FAM131C: variants seen among roughly 807,000 people sequenced by gnomAD.
FAM131C encodes protein FAM131C.
A neutral mutation model predicts 29.8 loss-of-function variants in FAM131C; 14 were observed. The ratio of observed to expected loss-of-function variants is 0.47; its 90% CI spans 0.31 to 0.73. The LOEUF (loss-of-function observed/expected upper bound fraction) is 0.73, where lower values mean the gene tolerates loss of function less well. Among genes scored for constraint, FAM131C ranks in the 30% least tolerant of loss-of-function variants. FAM131C has a pLI of 0.05. For missense variants in FAM131C, 252 were observed against 383.8 expected (o/e 0.66, Z 2.87); for synonymous variants, 86 against 157.8 (o/e 0.54, Z 3.41).
At chr1:16,068,027 C>T (rs937117509) in intron 1 of FAM131C, among the ~76,000 whole-genome samples, 1 of 152,218 alleles carries the variant, frequency 6.6e-6, no homozygotes, top group Non-Finnish European at 1.5e-5. Context: ...AACTGAGCAG[C>T]AGCCTGGGGT....
chr1:16,069,935 A>C (rs1279860915), intron 1 of FAM131C, among the ~76,000 whole-genome samples: 2 of 152,064 alleles, frequency 1.3e-5, no homozygotes, highest in Non-Finnish European at 2.9e-5. Flanking sequence ...GTAATTTTTA[A>C]AAAGTTTTTT....
In FAM131C at chr1:16,062,495, T is replaced by A. The variant is rs1230334644; in HGVS notation, c.174+4A>T. On this transcript the variant is annotated splice_donor_region_variant and intron_variant, in intron 3 of 6. Coordinates refer to ENST00000375662, the MANE Select transcript of FAM131C (RefSeq NM_182623.3). ...CTAGAATGGGGACACACAAGTGCAC[T>A]GACCTGCCAAGGATCCCAACAGAAA... 8.9e-6 allele frequency: 14 copies of A among 1,579,596 alleles called. No individual in the cohort carries two copies. Among genetic ancestry groups the A allele is most frequent in the East Asian group, 4.6e-5 (2 of 43,498 alleles).
intron 3 of FAM131C, 70 bp from the exon 4 acceptor site, chr1:16,062,262 A>C (rs1184618212): frequency 2.4e-5 from 22 of 922,684 alleles, no homozygotes; most frequent in Non-Finnish European, 3.3e-5. Context: ...CAGCACCACC[A>C]CCCATCCCCG....
Position 16,062,247 on chromosome 1 carries a change from C to T in FAM131C, c.175-55G>A, listed in dbSNP as rs185025376. 7.4e-4 allele frequency: 1,147 copies of T among 1,559,614 alleles called. No individual in the cohort carries two copies. In the African/African-American group the frequency reaches 0.014, roughly 18 times the overall value. On this transcript the variant is annotated intron_variant, in intron 3 of 6. Coordinates refer to ENST00000375662, the MANE Select transcript of FAM131C (RefSeq NM_182623.3). Reference sequence around the variant, plus strand: ...GGTGGGCCAGGCTGCCGGCCGACATCCCTCCAGCACCACCACCCATCCCCG... The same window carrying T: ...GGTGGGCCAGGCTGCCGGCCGACATTCCTCCAGCACCACCACCCATCCCCG...
At chr1:16,071,490 T>C (rs2023749254) in intron 1 of FAM131C, among the ~76,000 whole-genome samples, 2 of 152,114 alleles carry the variant, frequency 1.3e-5, no homozygotes, top group Non-Finnish European at 2.9e-5. Flanking sequence ...GAGGGCAGGG[T>C]GGGTCAGTGA....
intron 4 of FAM131C, among the ~76,000 whole-genome samples, chr1:16,061,083 C>T (rs895950682): frequency 4.6e-5 from 7 of 152,082 alleles, no homozygotes; most frequent in East Asian, 3.9e-4. Context: ...TCCCCGAAGC[C>T]ATAATGTGAG....
chr1:16,058,828 A>G (rs77017249), intron 6 of FAM131C, 111 bp from the exon 7 acceptor site: 708,200 of 975,464 alleles, frequency 0.73, 237,510 homozygotes, highest in East Asian at 0.83. Context: ...AAATCCAGCT[A>G]TGTGACGGCC....
chr1:16,062,146 C>A lies in FAM131C; in HGVS notation c.221G>T (p.Arg74Leu). Reference protein sequence around the residue: ...TNGYLSDSRSRPGNYNVAALA... With the variant: ...TNGYLSDSRSLPGNYNVAALA... ...GGCTGCCACGTTGTAGTTGCCGGGG[C>A]GGGATCTGGAGTCGGACAGGTAGCC... The change falls in exon 4 of 7, where the codon CGC becomes CTC. Residue 74 changes from arginine (R) to leucine (L), a missense_variant. Transcript: ENST00000375662. The A allele has an allele frequency of 6.2e-7, 1 of 1,611,828 alleles. No homozygotes were observed. The highest frequency in any genetic ancestry group is 8.5e-7 in the Non-Finnish European group (1 of 1,179,512).
At chr1:16,069,051 T>C (rs2023718426) in intron 1 of FAM131C, among the ~76,000 whole-genome samples, 1 of 152,208 alleles carries the variant, frequency 6.6e-6, no homozygotes, top group African/African-American at 2.4e-5. Context: ...GCAAAGTACA[T>C]GTTATGCCCA....
In FAM131C at chr1:16,063,160, GTTATATA is replaced by G. The variant is rs2023627596; in HGVS notation, c.138+354_138+360del. Among the ~76,000 whole-genome samples, 3 of 119,500 alleles carry G rather than the reference GTTATATA, an allele frequency of 2.5e-5. No homozygotes were observed. The South Asian group carries it at 6.6e-4, about 26-fold the overall frequency. 78.4% of individuals were successfully genotyped at this position (119,500 alleles called of 152,430 possible). ...TATAAATTATATATAATATATATAA[GTTATATA>G]TTATATATTTATATACAAATTATAT... On this transcript the variant is annotated intron_variant, in intron 2 of 6. Coordinates refer to ENST00000375662, the MANE Select transcript of FAM131C (RefSeq NM_182623.3).
At position 16,073,446 on chromosome 1, in the gene FAM131C, G is replaced by C. The variant is rs2023779530; in HGVS notation, c.-4C>G. On this transcript the variant is annotated 5_prime_UTR_variant, in exon 1 of 7. Transcript: ENST00000375662. ...CTCGCGACACGCAGGAGCCCATCAC[G>C]GGGCCGCGGGGCCGGGCCGCTGCGC... 6 of 1,206,834 alleles carry C rather than the reference G, an allele frequency of 5.0e-6. No homozygotes were observed. The highest frequency in any genetic ancestry group is 3.4e-5 in the East Asian group (1 of 29,670). 74.8% of individuals were successfully genotyped at this position (1,206,834 alleles called of 1,614,324 possible). A position where few individuals can be genotyped will look rare whatever the true frequency, so the allele number is the denominator to read the frequency against.
In FAM131C at chr1:16,069,540, G is replaced by C. The variant is rs550420070; in HGVS notation, c.22+3881C>G. Among the ~76,000 whole-genome samples, 3 of 152,364 alleles carry C rather than the reference G, an allele frequency of 2.0e-5. No homozygotes were observed. In the South Asian group the frequency reaches 6.2e-4, roughly 32 times the overall value. On this transcript the variant is annotated intron_variant, in intron 1 of 6. Transcript: ENST00000375662. ...GATACCCCCAAGGTGGGGCCAGGAG[G>C]CTGATCAGTTGGCCTGGAGGAGAGG...
chr1:16,063,107 A>G (rs534059013), intron 2 of FAM131C, among the ~76,000 whole-genome samples: 83 of 147,994 alleles, frequency 5.6e-4, no homozygotes, highest in African/African-American at 2.0e-3. Flanking sequence ...ATAAAATTTT[A>G]ATATATATAA....
rs569922960 is a variant in FAM131C, at chr1:16,059,935, A to G, written c.385T>C (p.Ser129Pro). 15 of 1,610,332 alleles carry G rather than the reference A, an allele frequency of 9.3e-6. No homozygotes were observed. The highest frequency in any genetic ancestry group is 1.7e-5 in the Admixed American group (1 of 59,922). ...CAGTAATGCTCGTCCTCAGCTGGGG[A>G]CAGCTCCCAGCCTGCCGGCTGGGCA... ...WSAQPAGWEL[S>P]PAEDEHYCCL... Residue 129 changes from serine to proline, a missense_variant, in exon 5 of 7, where the codon TCC (serine) becomes CCC (proline). By Grantham distance (74) the Ser-to-Pro change is moderately conservative. Transcript: ENST00000375662.
Position 16,073,552 on chromosome 1 carries a change from CG to C in FAM131C, c.-111del, listed in dbSNP as rs1553130139. On this transcript the variant is annotated 5_prime_UTR_variant, in exon 1 of 7. Transcript: ENST00000375662. ...CTGCGGAGCCAGAGGACGGGCGGGG[CG>C]GGGGGCTCGGGCGCCCTCAGCTCGG... is the stretch of plus-strand genomic sequence containing the variant. 6.2e-6 allele frequency: 3 copies of C among 484,164 alleles called. No homozygotes were observed. Among genetic ancestry groups the C allele is most frequent in the Non-Finnish European group, 9.0e-6 (3 of 333,678 alleles). The allele number at this position is 484,164 out of a possible 1,614,324, so 30.0% of individuals were successfully genotyped here. A position where few individuals can be genotyped will look rare whatever the true frequency, so the allele number is the denominator to read the frequency against.
chr1:16,071,660 G>C (rs2023750763), intron 1 of FAM131C, among the ~76,000 whole-genome samples: 1 of 152,202 alleles, frequency 6.6e-6, no homozygotes, highest in Admixed American at 6.5e-5. Context: ...ATTAGATCTG[G>C]GGGGCGCTGA....
intron 1 of FAM131C, among the ~76,000 whole-genome samples, chr1:16,071,183 G>A (rs570218738): frequency 6.6e-6 from 1 of 152,260 alleles, no homozygotes; most frequent in African/African-American, 2.4e-5. Flanking sequence ...CAGGTGGGGG[G>A]CTCAGGAGCC....
At chr1:16,069,935 A>G (rs1279860915) in intron 1 of FAM131C, among the ~76,000 whole-genome samples, 1 of 152,182 alleles carries the variant, frequency 6.6e-6, no homozygotes, top group South Asian at 2.1e-4. Flanking sequence ...GTAATTTTTA[A>G]AAAGTTTTTT....
rs2023559117 is a variant in FAM131C, at chr1:16,059,586, G to A, written c.470C>T (p.Ala157Val). 6.3e-7 allele frequency: 1 copy of A among 1,599,738 alleles called. No individual in the cohort carries two copies. Among genetic ancestry groups the A allele is most frequent in the Admixed American group, 1.7e-5 (1 of 58,824 alleles). ...AGCGCTCAGTGTGGCCTCTGTGATGGCAAACTGCTCGGCGACCCCTGGGGG... is the reference window on the plus strand; with the variant it reads ...AGCGCTCAGTGTGGCCTCTGTGATGACAAACTGCTCGGCGACCCCTGGGGG... ...RFAAGVAEQF[A>V]ITEATLSAWS... Residue 157 changes from alanine to valine, a missense_variant, in exon 6 of 7, where the codon GCC (alanine) becomes GTC (valine). Coordinates refer to ENST00000375662, the MANE Select transcript of FAM131C (RefSeq NM_182623.3).
Sources: allele counts gnomAD v4.1 joint callset (sites outside exome capture counted in the v4.1 genomes callset), GRCh38; gene constraint gnomAD v4.1.1; transcripts MANE v1.5; gene names NCBI Gene and HGNC (gene_info 2026-07-23, HGNC 2026-07-21).